ROBO1: variants seen among roughly 807,000 people sequenced by gnomAD.
The protein encoded by ROBO1 is roundabout homolog 1.
Under a neutral mutation model 195.9 loss-of-function variants are expected in ROBO1, and 149 were observed. That is an observed-to-expected ratio of 0.76 (90% CI 0.67 to 0.87). The LOEUF is 0.87. Ranked by LOEUF, ROBO1 falls within the 40% of genes least tolerant of loss-of-function variation. The pLI, the probability that ROBO1 is intolerant of heterozygous loss-of-function variation, is 0.00. For missense variants in ROBO1, 1,933 were observed against 2,068.3 expected, an observed-to-expected ratio of 0.93 and a Z score of 1.27; for synonymous variants, 816 against 733.2, an observed-to-expected ratio of 1.11 and a Z score of -1.82.
chr3:79,015,461 A>G (rs2077906705), intron 3 of ROBO1, among the ~76,000 whole-genome samples: 1 of 149,594 alleles, frequency 6.7e-6, no homozygotes. Context: ...CTAAGTTTGA[A>G]CTGAAATTCA....
At chr3:79,374,641 T>C (rs2036319314) in intron 2 of ROBO1, among the ~76,000 whole-genome samples, 1 of 152,182 alleles carries the variant, frequency 6.6e-6, no homozygotes, top group South Asian at 2.1e-4. Context: ...AGTTGCCATA[T>C]AAGCTGACAT....
At chr3:79,612,373 G>A (rs982714750) in intron 1 of ROBO1, among the ~76,000 whole-genome samples, 1 of 146,752 alleles carries the variant, frequency 6.8e-6, no homozygotes, top group African/African-American at 2.5e-5. Context: ...CATTTTTTAT[G>A]GCTGCATAGT....
At chr3:78,776,239 CTTAT>C (rs4055619) in intron 4 of ROBO1, among the ~76,000 whole-genome samples, 39,490 of 150,722 alleles carry the variant, frequency 0.26, 5,586 homozygotes, top group East Asian at 0.5. Context: ...TGAAGAAATT[CTTAT>C]TTATTTATTT....
chr3:79,313,522 C>T (rs1422798324), intron 2 of ROBO1, among the ~76,000 whole-genome samples: 1 of 152,130 alleles, frequency 6.6e-6, no homozygotes, highest in Non-Finnish European at 1.5e-5. Context: ...AAATCCCTTC[C>T]TTATGTTGTT....
In ROBO1 at chr3:78,661,200, T is replaced by C. The variant is rs1330393956; in HGVS notation, c.2150A>G (p.Asn717Ser). ...YKILYRPSGA[N>S]HGESDWLVFE... The stretch of plus-strand genomic sequence containing the variant: ...AACTAACCAGTCTGATTCTCCGTGG[T>C]TGGCTCCAGATGGCCGATAGAGAAT... Residue 717 changes from asparagine (N) to serine (S), a missense_variant, in exon 16 of 31, where the codon AAC becomes AGC. Transcript: ENST00000464233. The C allele has an allele frequency of 2.5e-6, 4 of 1,613,600 alleles. No individual in the cohort carries two copies. In the East Asian group the frequency reaches 8.9e-5, roughly 36 times the overall value.
chr3:79,735,517 A>AAAT (rs1174348679), intron 1 of ROBO1, among the ~76,000 whole-genome samples: 1 of 152,212 alleles, frequency 6.6e-6, no homozygotes, highest in Non-Finnish European at 1.5e-5. Context: ...TCTTGGCTTT[A>AAAT]AAATGAATAG....
At chr3:79,502,280 G>C (rs1166491585) in intron 2 of ROBO1, among the ~76,000 whole-genome samples, 2 of 152,150 alleles carry the variant, frequency 1.3e-5, no homozygotes. Flanking sequence ...CGGGAACCGG[G>C]GCTGCGCGCG....
intron 2 of ROBO1, among the ~76,000 whole-genome samples, chr3:79,497,276 T>G (rs1469936608): frequency 6.6e-6 from 1 of 152,224 alleles, no homozygotes; most frequent in Non-Finnish European, 1.5e-5. Flanking sequence ...TGCTTTTATT[T>G]TGTCAAAACT....
At chr3:79,549,259 T>A (rs1346822115) in intron 2 of ROBO1, among the ~76,000 whole-genome samples, 1 of 152,184 alleles carries the variant, frequency 6.6e-6, no homozygotes, top group Non-Finnish European at 1.5e-5. Context: ...AAAAATCATA[T>A]GGCCTTCAAG....
At chr3:78,866,473 T>C (rs2035187409) in intron 4 of ROBO1, among the ~76,000 whole-genome samples, 2 of 152,178 alleles carry the variant, frequency 1.3e-5, no homozygotes, top group African/African-American at 4.8e-5. Flanking sequence ...ATTTATAGAC[T>C]ATAGAACCCT....
At chr3:79,708,100 G>A (rs757248420) in intron 1 of ROBO1, among the ~76,000 whole-genome samples, 6 of 152,038 alleles carry the variant, frequency 3.9e-5, no homozygotes, top group Non-Finnish European at 7.3e-5. Context: ...ACCATTTTGC[G>A]TTAATGGCAC....
intron 2 of ROBO1, among the ~76,000 whole-genome samples, chr3:79,514,129 G>C (rs956459642): frequency 6.6e-6 from 1 of 152,202 alleles, no homozygotes. Context: ...GGAACACAGA[G>C]AAAGAATAGC....
At chr3:79,590,163 T>C (rs1284282322) in intron 1 of ROBO1, among the ~76,000 whole-genome samples, 2 of 151,768 alleles carry the variant, frequency 1.3e-5, no homozygotes, top group Non-Finnish European at 2.9e-5. Flanking sequence ...ATTTATTAAT[T>C]TTGAAAACTC....
intron 4 of ROBO1, among the ~76,000 whole-genome samples, chr3:78,808,225 G>A (rs1426193892): frequency 6.6e-6 from 1 of 151,710 alleles, no homozygotes; most frequent in Non-Finnish European, 1.5e-5. Flanking sequence ...ATTTTTTTGA[G>A]ACAGACTCTC....
At chr3:78,815,627 C>A (rs1169236519) in intron 4 of ROBO1, among the ~76,000 whole-genome samples, 4 of 644 alleles carry the variant, frequency 6.2e-3, no homozygotes, top group Non-Finnish European at 0.056. Flanking sequence ...AACTTGAGAG[C>A]AAGGTGAGAC....
intron 1 of ROBO1, among the ~76,000 whole-genome samples, chr3:79,651,452 G>T (rs1389828002): frequency 2.0e-5 from 3 of 152,038 alleles, no homozygotes; most frequent in Admixed American, 2.0e-4. Flanking sequence ...AATTATGTGT[G>T]AGAGAGTTAA....
chr3:79,387,806 A>G (rs2036809653), intron 2 of ROBO1, among the ~76,000 whole-genome samples: 1 of 152,210 alleles, frequency 6.6e-6, no homozygotes, highest in East Asian at 1.9e-4. Context: ...TGCAATAGCA[A>G]TATTATTCTG....
chr3:78,973,167 T>C (rs187328432), intron 3 of ROBO1, among the ~76,000 whole-genome samples: 150 of 152,154 alleles, frequency 9.9e-4, no homozygotes, highest in Non-Finnish European at 1.8e-3. Flanking sequence ...AATGAAATAG[T>C]CATAATATAC....
intron 2 of ROBO1, among the ~76,000 whole-genome samples, chr3:79,451,624 G>A (rs2039444575): frequency 6.6e-6 from 1 of 152,096 alleles, no homozygotes; most frequent in Non-Finnish European, 1.5e-5. Flanking sequence ...CTGCAGCTGT[G>A]TTTAGTTTAG....
Sources: gnomAD v4.1 joint callset for allele counts (sites outside exome capture counted in the v4.1 genomes callset) on GRCh38, gnomAD v4.1.1 for gene constraint, MANE v1.5 for transcripts, NCBI Gene and HGNC (gene_info 2026-07-23, HGNC 2026-07-21) for gene names.